Variants in LRRC8C observed in about 807,000 individuals in gnomAD.
LRRC8C encodes volume-regulated anion channel subunit LRRC8C.
LRRC8C carries 20 observed loss-of-function variants against 55.3 expected under a neutral mutation model. The ratio of observed to expected loss-of-function variants is 0.36; its 90% CI spans 0.25 to 0.53. LRRC8C has a LOEUF of 0.53. LRRC8C is among the 20% of genes least tolerant of loss of function. The pLI is 0.92. For synonymous variants in LRRC8C, 376 were observed against 360.7 expected (o/e 1.04, Z -0.48); for missense variants, 659 against 951.4 (o/e 0.69, Z 4.04).
intron 2 of LRRC8C, among the ~76,000 whole-genome samples, chr1:89,686,899 T>TG (rs1312620110): frequency 6.6e-6 from 1 of 152,226 alleles, no homozygotes; most frequent in Non-Finnish European, 1.5e-5. Flanking sequence ...CTTTCCAAAT[T>TG]GGCTTCACAG....
chr1:89,693,160 C>T (rs1343779), intron 2 of LRRC8C, among the ~76,000 whole-genome samples: 49,910 of 152,024 alleles, frequency 0.33, 8,507 homozygotes, highest in East Asian at 0.51. Context: ...TCACTAGGAG[C>T]GAAGTGGCCA....
chr1:89,647,728 T>TTAAAA (rs1335750031), intron 1 of LRRC8C, among the ~76,000 whole-genome samples: 1 of 152,136 alleles, frequency 6.6e-6, no homozygotes, highest in Non-Finnish European at 1.5e-5. Context: ...AAAACTTAAT[T>TTAAAA]TTATCTCAAA....
chr1:89,714,004 T>A lies in LRRC8C; in HGVS notation c.1434T>A (p.Ser478=). ...AAGAGCTCTCTCTGCACCAGTGTTC[T>A]GTCAAAATCCACAGTGCGGCGCTCT... is the stretch of plus-strand genomic sequence containing the variant. ...NLQELSLHQC[S]VKIHSAALSF... is the part of the protein sequence containing the mutation. The change falls in exon 3 of 3, where the codon TCT becomes TCA. Residue 478 remains serine (S), a synonymous_variant. Coordinates refer to ENST00000370454, the MANE Select transcript of LRRC8C (RefSeq NM_032270.5). This position sits in a 1 kb window ranked among gnomAD's most constrained non-coding sequence, Gnocchi z 4.6. 6.2e-7 allele frequency: 1 copy of A among 1,613,414 alleles called. No individual in the cohort carries two copies. Among genetic ancestry groups the A allele is most frequent in the Non-Finnish European group, 8.5e-7 (1 of 1,180,024 alleles).
chr1:89,690,057 T>C (rs910260263), intron 2 of LRRC8C, among the ~76,000 whole-genome samples: 3 of 152,118 alleles, frequency 2.0e-5, no homozygotes, highest in Admixed American at 6.5e-5. Flanking sequence ...CGTGGAGATA[T>C]TAAGTAATCA....
intron 1 of LRRC8C, among the ~76,000 whole-genome samples, chr1:89,650,168 C>T (rs1057174744): frequency 6.6e-6 from 1 of 152,144 alleles, no homozygotes; most frequent in Non-Finnish European, 1.5e-5. Flanking sequence ...AATATATACA[C>T]AAACCCACTG....
chr1:89,643,507 T>C (rs1050477181), intron 1 of LRRC8C, among the ~76,000 whole-genome samples: 3 of 152,248 alleles, frequency 2.0e-5, no homozygotes, highest in African/African-American at 7.2e-5. Context: ...CCTATTTATG[T>C]CACATTTTAT....
chr1:89,685,020 G>T (rs1165157575), intron 1 of LRRC8C, among the ~76,000 whole-genome samples: 4 of 150,738 alleles, frequency 2.7e-5, no homozygotes, highest in African/African-American at 7.3e-5. Context: ...AGACGGAATA[G>T]ATAACATTGT....
At chr1:89,623,546 T>G in the LRRC8C span, among the ~76,000 whole-genome samples, 1 of 151,786 alleles carries the variant, frequency 6.6e-6, no homozygotes, top group Admixed American at 6.6e-5. Flanking sequence ...CACAGTGAAA[T>G]CCCGTCTCTA....
intron 1 of LRRC8C, among the ~76,000 whole-genome samples, chr1:89,665,442 G>T (rs576819035): frequency 3.3e-5 from 5 of 152,264 alleles, no homozygotes; most frequent in Admixed American, 2.0e-4. Context: ...TTATTGATTT[G>T]TGTATGTGTA....
At chr1:89,633,430 C>T (rs985601872) in intron 1 of LRRC8C, 108 bp downstream of exon 1, 2 of 152,642 alleles carry the variant, frequency 1.3e-5, no homozygotes, top group African/African-American at 4.8e-5. Context: ...TCACTCGCGT[C>T]CTTGCTTCCC....
chr1:89,679,954 G>A (rs1657651469), intron 1 of LRRC8C, among the ~76,000 whole-genome samples: 2 of 152,042 alleles, frequency 1.3e-5, no homozygotes, highest in Admixed American at 1.3e-4. Flanking sequence ...ATACATTCTG[G>A]GATATTAATT....
At chr1:89,628,252 CTATCA>C (rs752177883), upstream of LRRC8C, among the ~76,000 whole-genome samples, 4 of 152,094 alleles carry the variant, frequency 2.6e-5, no homozygotes, top group East Asian at 5.8e-4. Flanking sequence ...CCTTTCCTTC[CTATCA>C]TAACAGTTGA....
At chr1:89,638,388 GTACT>G (rs930725114) in intron 1 of LRRC8C, among the ~76,000 whole-genome samples, 1 of 151,972 alleles carries the variant, frequency 6.6e-6, no homozygotes, top group African/African-American at 2.4e-5. Flanking sequence ...ATCTGTTTAT[GTACT>G]GTGACTCTTC....
intron 1 of LRRC8C, among the ~76,000 whole-genome samples, chr1:89,636,862 A>C (rs1400982611): frequency 6.6e-6 from 1 of 152,182 alleles, no homozygotes; most frequent in Non-Finnish European, 1.5e-5. Flanking sequence ...TCCAGGTAAT[A>C]TATTTGAAAG....
chr1:89,651,588 A>AAAAC (rs1656784090), intron 1 of LRRC8C, among the ~76,000 whole-genome samples: 1 of 151,362 alleles, frequency 6.6e-6, no homozygotes, highest in Non-Finnish European at 1.5e-5. Context: ...AAAAAAAAAA[A>AAAAC]AAGCAACGTA....
At chr1:89,659,027 T>G (rs1657027317) in intron 1 of LRRC8C, among the ~76,000 whole-genome samples, 1 of 150,616 alleles carries the variant, frequency 6.6e-6, no homozygotes, top group African/African-American at 2.4e-5. Context: ...AATAGGAAAT[T>G]TTAGGTTGTG....
intron 1 of LRRC8C, among the ~76,000 whole-genome samples, chr1:89,684,289 C>T (rs965589647): frequency 7.9e-5 from 12 of 152,106 alleles, no homozygotes; most frequent in African/African-American, 1.2e-4. Context: ...ATTTCCTCTA[C>T]GATGTAAAGA....
At chr1:89,630,970 G>T (rs1324986918), upstream of LRRC8C, among the ~76,000 whole-genome samples, 1 of 152,216 alleles carries the variant, frequency 6.6e-6, no homozygotes, top group Non-Finnish European at 1.5e-5. Flanking sequence ...CTACCCAGTT[G>T]ATCCAATTAG....
At chr1:89,665,893 C>A (rs929494281) in intron 1 of LRRC8C, among the ~76,000 whole-genome samples, 1 of 152,124 alleles carries the variant, frequency 6.6e-6, no homozygotes, top group Non-Finnish European at 1.5e-5. Flanking sequence ...ATCTTTTATA[C>A]ATTTTTATTT....
Sources: gnomAD v4.1 joint callset for allele counts (sites outside exome capture counted in the v4.1 genomes callset) on GRCh38, gnomAD v4.1.1 for gene constraint, Gnocchi (gnomAD v3.1) non-coding constraint, MANE v1.5 for transcripts, NCBI Gene and HGNC (gene_info 2026-07-23, HGNC 2026-07-21) for gene names.